RORB: variants seen among roughly 807,000 people sequenced by gnomAD.
RORB encodes the protein nuclear receptor ROR-beta.
In RORB, 6 loss-of-function variants were observed where a neutral mutation model predicts 59.1. The observed-to-expected ratio is 0.10, with a 90% CI of 0.06 to 0.20. RORB has a LOEUF of 0.20. Ranked by LOEUF, RORB falls within the 10% of genes least tolerant of loss-of-function variation. RORB has a pLI of 1.00. For synonymous variants in RORB, 215 were observed against 204.5 expected (o/e 1.05, Z -0.44); for missense variants, 320 against 560.5 (o/e 0.57, Z 4.33).
intron 9 of RORB, among the ~76,000 whole-genome samples, chr9:74,678,330 G>T (rs2118564442): frequency 6.6e-6 from 1 of 152,272 alleles, no homozygotes; most frequent in East Asian, 1.9e-4. Context: ...CAACTTCCCA[G>T]GGAGAATTGC....
At position 74,685,488 on chromosome 9, in the gene RORB, C is replaced by A; in HGVS notation, c.1250C>A (p.Thr417Lys). The change falls in exon 10 of 10, where the codon ACG becomes AAG. Residue 417 changes from threonine (T) to lysine (K), a missense_variant. Thr to Lys is a moderately conservative substitution (Grantham distance 78, BLOSUM62 -1). Around this residue, in one of 4 missense-constraint regions of RORB, gnomAD observed 109 missense variants for 171.0 expected, o/e 0.64. Coordinates refer to ENST00000376896, the MANE Select transcript of RORB (RefSeq NM_006914.4). ...AKLIAKIPTI[T>K]AVCNLHGEKL... ...TTAATAGCCAAGATACCAACCATCA[C>A]GGCAGTTTGCAACTTGCACGGGGAG... 6.2e-7 allele frequency: 1 copy of A among 1,612,344 alleles called. No individual in the cohort carries two copies. Among genetic ancestry groups the A allele is most frequent in the East Asian group, 2.2e-5 (1 of 44,842 alleles).
At position 74,671,922 on chromosome 9, in the gene RORB, G is replaced by GCCA. The variant is rs756696922; in HGVS notation, c.1224+31_1224+33dup. ...CAAAGGTAGGTCCACAGATCACAGA[G>GCCA]CCACCACCACCAAAAGAGAGCACAG... is the stretch of plus-strand genomic sequence containing the variant. On this transcript the variant is annotated intron_variant, in intron 9 of 9. Transcript: ENST00000376896. 7.2e-6 allele frequency: 10 copies of GCCA among 1,384,106 alleles called. No individual in the cohort carries two copies. In the East Asian group the frequency reaches 2.3e-4, roughly 32 times the overall value. The allele number at this position is 1,384,106 out of a possible 1,614,324, so 85.7% of individuals were successfully genotyped here. A position where few individuals can be genotyped will look rare whatever the true frequency, so the allele number is the denominator to read the frequency against.
intron 1 of RORB, among the ~76,000 whole-genome samples, chr9:74,625,349 C>T (rs1241747089): frequency 1.3e-5 from 2 of 152,186 alleles, no homozygotes; most frequent in African/African-American, 2.4e-5. Context: ...CATGGTGGCT[C>T]ATGCCTGTAA....
At chr9:74,650,842 T>C (rs1242774256) in intron 4 of RORB, among the ~76,000 whole-genome samples, 12 of 152,218 alleles carry the variant, frequency 7.9e-5, no homozygotes, top group Non-Finnish European at 4.4e-5. Flanking sequence ...AATATAAAAA[T>C]GACCTTCAAA....
chr9:74,558,093 A>C (rs1166369278), intron 1 of RORB, among the ~76,000 whole-genome samples: 2 of 152,204 alleles, frequency 1.3e-5, no homozygotes, highest in South Asian at 2.1e-4. Context: ...ATATATTTTC[A>C]TTAATATTTA....
chr9:74,522,185 T>C (rs996072181), intron 1 of RORB, among the ~76,000 whole-genome samples: 9 of 151,820 alleles, frequency 5.9e-5, no homozygotes, highest in Non-Finnish European at 1.0e-4. Flanking sequence ...TACTGTATTT[T>C]AGCATGCCTT....
rs60227388 is a variant in RORB, at chr9:74,505,481, G to C, written c.7+7498G>C. On this transcript the variant is annotated intron_variant, in intron 1 of 9. Transcript: ENST00000376896. The stretch of plus-strand genomic sequence containing the variant: ...CATATTTATTTATTAAAGATTTATT[G>C]AATACATCCACCCAAAGTAAGGTAC... Among the ~76,000 whole-genome samples the C allele has an allele frequency of 3.7e-3, 569 of 152,084 alleles. 7 individuals are homozygous for C. The highest frequency in any genetic ancestry group is 0.013 in the African/African-American group (549 of 41,502).
rs766839461 is a variant in RORB at position 74,671,773 on chromosome 9, C to T, written c.1112-16C>T. ...AGTTGATGTTCCCTCCACTTACCCA[C>T]TCTTTCTTTCATCAGACCGAGCCTG... On this transcript the variant is annotated splice_polypyrimidine_tract_variant and intron_variant, in intron 8 of 9. Coordinates refer to ENST00000376896, the MANE Select transcript of RORB (RefSeq NM_006914.4). 4.5e-6 allele frequency: 7 copies of T among 1,556,616 alleles called. No individual in the cohort carries two copies. Among genetic ancestry groups the T allele is most frequent in the Non-Finnish European group, 5.3e-6 (6 of 1,133,026 alleles).
chr9:74,680,714 A>G (rs1824534092), intron 9 of RORB, among the ~76,000 whole-genome samples: 1 of 152,182 alleles, frequency 6.6e-6, no homozygotes, highest in African/African-American at 2.4e-5. Flanking sequence ...TGTGAAATTG[A>G]TGTGTTCAGC....
At chr9:74,669,090 T>C (rs1824310561) in intron 8 of RORB, among the ~76,000 whole-genome samples, 1 of 152,020 alleles carries the variant, frequency 6.6e-6, no homozygotes, top group East Asian at 1.9e-4. Context: ...CTCTACTAGC[T>C]CTAAAATGCA....
At chr9:74,632,525 C>T (rs188084243) in intron 2 of RORB, among the ~76,000 whole-genome samples, 3 of 152,154 alleles carry the variant, frequency 2.0e-5, no homozygotes. Context: ...AGCTTGTGCA[C>T]TTATTCAAAT....
At chr9:74,551,497 G>T (rs188440128) in intron 1 of RORB, among the ~76,000 whole-genome samples, 13 of 152,224 alleles carry the variant, frequency 8.5e-5, no homozygotes, top group Non-Finnish European at 1.8e-4. Context: ...GAGACAGAGC[G>T]GGATGACAAG....
rs900837356 is a variant in RORB, at chr9:74,497,395, T to C, written c.-582T>C. 1.3e-5 allele frequency: 2 copies of C among 153,416 alleles called. No homozygotes were observed. The highest frequency in any genetic ancestry group is 4.8e-5 in the African/African-American group (2 of 41,464). The allele number at this position is 153,416 out of a possible 1,614,324, so 9.5% of individuals were successfully genotyped here. On this transcript the variant is annotated 5_prime_UTR_variant, in exon 1 of 10. Coordinates refer to ENST00000376896, the MANE Select transcript of RORB (RefSeq NM_006914.4). Reference sequence around the variant, plus strand: ...CCTCCCTGTAACTGAACAGTGAAAATTCACATTGTGGATCCGCTAACAGGC... The same window carrying C: ...CCTCCCTGTAACTGAACAGTGAAAACTCACATTGTGGATCCGCTAACAGGC...
intron 1 of RORB, among the ~76,000 whole-genome samples, chr9:74,550,445 G>A (rs1371904845): frequency 6.6e-6 from 1 of 152,192 alleles, no homozygotes; most frequent in Admixed American, 6.5e-5. Context: ...TTGGGTAACT[G>A]TAAGCTTTGA....
At position 74,692,874 on chromosome 9, in the gene RORB, A is replaced by G. The variant is rs1824768618; in HGVS notation, c.*7256A>G. 6.6e-6 allele frequency: 1 copy of G among 152,148 alleles called. No homozygotes were observed. The highest frequency in any genetic ancestry group is 2.1e-4 in the South Asian group (1 of 4,828). The allele number at this position is 152,148 out of a possible 1,614,324, so 9.4% of individuals were successfully genotyped here. A position where few individuals can be genotyped will look rare whatever the true frequency, so the allele number is the denominator to read the frequency against. On this transcript the variant is annotated 3_prime_UTR_variant, in exon 10 of 10. Transcript: ENST00000376896. ...CTCCTTGTTTAATATATAAGCCCTA[A>G]TTTCTGTGTATGTGAGTAAAACTGC... is the stretch of plus-strand genomic sequence containing the variant.
chr9:74,537,554 AT>A (rs1321974581), intron 1 of RORB, among the ~76,000 whole-genome samples: 1 of 152,060 alleles, frequency 6.6e-6, no homozygotes, highest in Non-Finnish European at 1.5e-5. Context: ...ATTTAATTTT[AT>A]TCATTCTGCT....
chr9:74,595,063 T>C (rs914182060), intron 1 of RORB, among the ~76,000 whole-genome samples: 2 of 152,116 alleles, frequency 1.3e-5, no homozygotes, highest in Non-Finnish European at 2.9e-5. Flanking sequence ...AGCCAAAAAC[T>C]GGGGACCCTT....
chr9:74,657,075 C>CAA (rs1824095328), intron 4 of RORB, among the ~76,000 whole-genome samples: 2 of 152,134 alleles, frequency 1.3e-5, no homozygotes, highest in African/African-American at 2.4e-5. Context: ...GAGACGGAGT[C>CAA]ACGCTCTGTC....
chr9:74,518,549 G>A (rs1202675845), intron 1 of RORB, among the ~76,000 whole-genome samples: 1 of 151,914 alleles, frequency 6.6e-6, no homozygotes, highest in Non-Finnish European at 1.5e-5. Flanking sequence ...TAACTATGCA[G>A]CCTGCGCAAG....
Sources: allele counts gnomAD v4.1 joint callset (sites outside exome capture counted in the v4.1 genomes callset), GRCh38; gene constraint gnomAD v4.1.1; regional missense constraint gnomAD v4.1.1; transcripts MANE v1.5; gene names NCBI Gene and HGNC (gene_info 2026-07-23, HGNC 2026-07-21).